The following TENM4 variants were observed in gnomAD, a reference collection of about 807,000 sequenced individuals.
TENM4 encodes the protein teneurin transmembrane protein 4.
TENM4 carries 82 observed loss-of-function variants against 243.3 expected under a neutral mutation model. The ratio of observed to expected loss-of-function variants is 0.34; its 90% CI spans 0.28 to 0.40. TENM4 has a LOEUF of 0.40. TENM4 is among the 10% of genes least tolerant of loss of function. The probability of loss-of-function intolerance (pLI) is 1.00; values close to 1 mark genes in which losing one functional copy is unlikely to be tolerated. For synonymous variants in TENM4, 1,412 were observed against 1,456.3 expected, an observed-to-expected ratio of 0.97 and a Z score of 0.69; for missense variants, 3,138 against 3,673.3, an observed-to-expected ratio of 0.85 and a Z score of 3.77.
chr11:79,128,491 G>A (rs1235469683), intron 4 of TENM4, among the ~76,000 whole-genome samples: 1 of 152,136 alleles, frequency 6.6e-6, no homozygotes, highest in Non-Finnish European at 1.5e-5. Context: ...AAATGCCCAC[G>A]GTCTCCACTC....
chr11:79,157,908 C>T lies in TENM4; in HGVS notation c.-162-9102G>A, dbSNP rs960079825. Among the ~76,000 whole-genome samples the T allele has an allele frequency of 4.6e-5, 7 of 152,330 alleles. No individual in the cohort carries two copies. In the East Asian group the frequency reaches 1.2e-3, roughly 25 times the overall value. ...GCTCAGGAAACCTTGGCTGAAGTGG[C>T]TGAACTTCCTGACCAGCATGTTCTA... On this transcript the variant is annotated intron_variant, in intron 3 of 33. Transcript: ENST00000278550.
intron 14 of TENM4, among the ~76,000 whole-genome samples, chr11:78,808,218 T>A (rs1411598747): frequency 6.6e-6 from 1 of 152,252 alleles, no homozygotes; most frequent in Non-Finnish European, 1.5e-5. Flanking sequence ...TGGGAACATT[T>A]ATTTTGAGAA....
rs1555041346 is a variant in TENM4 at position 79,283,213 on chromosome 11, A to AC, written c.-265+14274_-265+14275insG. Among the ~76,000 whole-genome samples, 214 of 136,036 alleles carry AC rather than the reference A, an allele frequency of 1.6e-3. 1 individual carries two copies. Among genetic ancestry groups the AC allele is most frequent in the East Asian group, 0.012 (54 of 4,610 alleles). The allele number at this position is 136,036 out of a possible 152,430, so 89.2% of individuals were successfully genotyped here. The stretch of plus-strand genomic sequence containing the variant: ...CAGACAAAGACATCACACACACACA[A>AC]ACACACACACACACACACACACACA... On this transcript the variant is annotated intron_variant, in intron 2 of 33. Coordinates refer to ENST00000278550, the MANE Select transcript of TENM4 (RefSeq NM_001098816.3).
chr11:78,778,568 A>C (rs1377582671), intron 17 of TENM4, 34 bp downstream of exon 17: 3 of 1,606,210 alleles, frequency 1.9e-6, no homozygotes, highest in Admixed American at 1.7e-5. Context: ...ACACACACAA[A>C]GACAACAGGA....
intron 6 of TENM4, among the ~76,000 whole-genome samples, chr11:79,052,773 A>G (rs1591243726): frequency 6.6e-6 from 1 of 152,208 alleles, no homozygotes; most frequent in Non-Finnish European, 1.5e-5. Context: ...CAGTCGGTCC[A>G]TTGAATTCTG....
chr11:79,061,970 T>TTC (rs1555000447), intron 6 of TENM4, among the ~76,000 whole-genome samples: 22 of 151,354 alleles, frequency 1.5e-4, no homozygotes, highest in African/African-American at 5.3e-4. Context: ...CAACTATTTT[T>TTC]TTTTTTTTTT....
At chr11:79,344,271 G>T (rs1857289852) in intron 1 of TENM4, among the ~76,000 whole-genome samples, 1 of 152,200 alleles carries the variant, frequency 6.6e-6, no homozygotes, top group African/African-American at 2.4e-5. Flanking sequence ...GGCAGAGGGG[G>T]TGCTCAAAGC....
At position 78,722,832 on chromosome 11, in the gene TENM4, C is replaced by T. The variant is rs376349625; in HGVS notation, c.3636G>A (p.Arg1212=). The T allele has an allele frequency of 6.2e-7, 1 of 1,614,058 alleles. No individual in the cohort carries two copies. The highest frequency in any genetic ancestry group is 2.2e-5 in the East Asian group (1 of 44,886). Residue 1212 remains arginine, a synonymous_variant, in exon 24 of 34, where the codon CGG becomes CGA. Coordinates refer to ENST00000278550, the MANE Select transcript of TENM4 (RefSeq NM_001098816.3). ...TGCAGCTGGGGCAGGAGATGCTTCT[C>T]CGGCGCCCATTGCCCATGATGCTCC... ...VIGSIMGNGR[R]RSISCPSCNG...
intron 6 of TENM4, among the ~76,000 whole-genome samples, chr11:78,937,269 A>G (rs1591144884): frequency 6.6e-6 from 1 of 152,168 alleles, no homozygotes; most frequent in Non-Finnish European, 1.5e-5. Flanking sequence ...TTTGCAGGAT[A>G]TAGAAAGAGA....
chr11:78,929,109 C>A (rs1468310107), intron 6 of TENM4, among the ~76,000 whole-genome samples: 1 of 152,218 alleles, frequency 6.6e-6, no homozygotes, highest in South Asian at 2.1e-4. Context: ...GTCCATCTCA[C>A]CCTCAGAATG....
intron 4 of TENM4, among the ~76,000 whole-genome samples, chr11:79,143,196 A>G (rs1205865185): frequency 6.6e-6 from 1 of 152,198 alleles, no homozygotes; most frequent in African/African-American, 2.4e-5. Flanking sequence ...AAAGGATTAT[A>G]AATCATGCTA....
At chr11:78,787,159 G>A (rs1856957853) in intron 15 of TENM4, 76 bp from the exon 16 acceptor site, 1 of 1,438,752 alleles carries the variant, frequency 7.0e-7, no homozygotes, top group Non-Finnish European at 9.2e-7. Context: ...AGGGGAGAGA[G>A]GAGAGAGAAA....
At chr11:79,031,260 A>T (rs1859229910) in intron 6 of TENM4, among the ~76,000 whole-genome samples, 4 of 152,192 alleles carry the variant, frequency 2.6e-5, no homozygotes, top group African/African-American at 4.8e-5. Flanking sequence ...CTACATACAG[A>T]TAATGTATTT....
chr11:78,748,884 T>C (rs1468670097), intron 19 of TENM4, among the ~76,000 whole-genome samples: 1 of 152,118 alleles, frequency 6.6e-6, no homozygotes, highest in Non-Finnish European at 1.5e-5. Context: ...CCAAACAACC[T>C]GGCAGGGTGG....
chr11:78,816,138 C>T (rs990339378), intron 12 of TENM4, among the ~76,000 whole-genome samples: 1 of 152,228 alleles, frequency 6.6e-6, no homozygotes, highest in Non-Finnish European at 1.5e-5. Context: ...TTCTCAGGTA[C>T]TGAAAAAGGT....
At position 79,077,262 on chromosome 11, in the gene TENM4, G is replaced by A. The variant is rs1391395822; in HGVS notation, c.-65-7253C>T. 3.9e-5 allele frequency among the ~76,000 whole-genome samples: 6 copies of A among 152,154 alleles called. No individual in the cohort carries two copies. In the East Asian group the frequency reaches 7.7e-4, roughly 20 times the overall value. ...TATACACTGGGCAAGTCAGACAGAG[G>A]GAGAGGCAGGGAAGGACACCACAGG... On this transcript the variant is annotated intron_variant, in intron 4 of 33. Transcript: ENST00000278550.
intron 3 of TENM4, among the ~76,000 whole-genome samples, chr11:79,177,670 A>G (rs1014752309): frequency 1.3e-5 from 2 of 152,172 alleles, no homozygotes; most frequent in Non-Finnish European, 2.9e-5. Context: ...ATAAGGTGGC[A>G]TTAGGTAGGA....
intron 2 of TENM4, among the ~76,000 whole-genome samples, chr11:79,238,385 G>A (rs942031874): frequency 1.3e-5 from 2 of 152,172 alleles, no homozygotes; most frequent in Admixed American, 6.5e-5. Flanking sequence ...GCAGCACTCC[G>A]ATCCCTTGAG....
At chr11:79,427,988 T>C (rs149287733) in intron 1 of TENM4, among the ~76,000 whole-genome samples, 10 of 152,246 alleles carry the variant, frequency 6.6e-5, no homozygotes, top group African/African-American at 1.4e-4. Context: ...TTCCATTCAC[T>C]CAATGACAGT....
Sources: allele counts gnomAD v4.1 joint callset (sites outside exome capture counted in the v4.1 genomes callset), GRCh38; gene constraint gnomAD v4.1.1; transcripts MANE v1.5; gene names NCBI Gene and HGNC (gene_info 2026-07-23, HGNC 2026-07-21).